The following NSMCE2 variants were observed in gnomAD, a reference collection of about 807,000 sequenced individuals.
The protein encoded by NSMCE2 is E3 SUMO-protein ligase NSE2.
NSMCE2 carries 24 observed loss-of-function variants against 23.8 expected under a neutral mutation model. The observed-to-expected ratio is 1.01, with a 90% confidence interval of 0.73 to 1.42. The LOEUF (loss-of-function observed/expected upper bound fraction) is 1.42. Among genes scored for constraint, NSMCE2 ranks in the 40% most tolerant of loss-of-function variants. The pLI is 0.00. For synonymous variants in NSMCE2, 92 were observed against 94.1 expected (o/e 0.98, Z 0.13); for missense variants, 284 against 296.5 (o/e 0.96, Z 0.31).
In NSMCE2 at chr8:125,102,386, G is replaced by C; in HGVS notation, c.56G>C (p.Gly19Ala). The change falls in exon 3 of 8, where the codon GGT becomes GCT. Residue 19 changes from glycine (G) to alanine (A), a missense_variant. Physicochemically the swap from Gly to Ala is moderately conservative, Grantham distance 60 (BLOSUM62 0). Coordinates refer to ENST00000287437, the MANE Select transcript of NSMCE2 (RefSeq NM_173685.4). ...TCAACTGGTTTCATCTCCTTCAGTG[G>C]TGTAGAGTCTGCTCTCTCCTCCTTG... is the stretch of plus-strand genomic sequence containing the variant. Reference protein sequence around the residue: ...SGSTGFISFSGVESALSSLKN... With the variant: ...SGSTGFISFSAVESALSSLKN... The C allele has an allele frequency of 6.2e-7, 1 of 1,613,542 alleles. No individual in the cohort carries two copies. Among genetic ancestry groups the C allele is most frequent in the Non-Finnish European group, 8.5e-7 (1 of 1,179,478 alleles).
At chr8:125,324,400 C>CTG (rs1175387680) in intron 5 of NSMCE2, among the ~76,000 whole-genome samples, 2 of 147,074 alleles carry the variant, frequency 1.4e-5, no homozygotes, top group African/African-American at 5.0e-5. Context: ...AAACTGGAAA[C>CTG]AAGCCCAATA....
At chr8:125,324,277 A>G (rs1285454579) in intron 5 of NSMCE2, among the ~76,000 whole-genome samples, 1 of 152,178 alleles carries the variant, frequency 6.6e-6, no homozygotes, top group Non-Finnish European at 1.5e-5. Context: ...AGTTAAACAT[A>G]TATGACCTAG....
At chr8:125,341,548 T>C (rs960422183) in intron 5 of NSMCE2, among the ~76,000 whole-genome samples, 11 of 152,114 alleles carry the variant, frequency 7.2e-5, no homozygotes, top group African/African-American at 2.7e-4. Context: ...CCTTATGTGG[T>C]TTTTGTTACT....
chr8:125,221,297 G>A (rs144326960), intron 5 of NSMCE2, among the ~76,000 whole-genome samples: 17 of 152,342 alleles, frequency 1.1e-4, no homozygotes, highest in African/African-American at 3.8e-4. Context: ...CCATGCTGAA[G>A]TGCAGTGACG....
At chr8:125,337,298 A>G (rs1044180621) in intron 5 of NSMCE2, among the ~76,000 whole-genome samples, 2 of 152,196 alleles carry the variant, frequency 1.3e-5, no homozygotes, top group Admixed American at 6.5e-5. Flanking sequence ...CTCTAAGTCT[A>G]TGACAGGTCT....
At chr8:125,151,801 A>C (rs974510399) in intron 4 of NSMCE2, among the ~76,000 whole-genome samples, 1 of 152,214 alleles carries the variant, frequency 6.6e-6, no homozygotes, top group African/African-American at 2.4e-5. Context: ...ACAACACATA[A>C]GGCAGTTAAG....
intron 4 of NSMCE2, among the ~76,000 whole-genome samples, chr8:125,173,196 C>T (rs989581722): frequency 6.6e-6 from 1 of 152,192 alleles, no homozygotes; most frequent in Non-Finnish European, 1.5e-5. Context: ...GTTTAAGCTT[C>T]CAAATCAGTG....
At chr8:125,359,931 A>C (rs552275356) in intron 7 of NSMCE2, among the ~76,000 whole-genome samples, 2 of 152,336 alleles carry the variant, frequency 1.3e-5, no homozygotes, top group East Asian at 3.9e-4. Flanking sequence ...AGATGGATTA[A>C]GGAGGCATGA....
intron 5 of NSMCE2, among the ~76,000 whole-genome samples, chr8:125,220,062 TG>T (rs1824784798): frequency 6.6e-6 from 1 of 152,168 alleles, no homozygotes; most frequent in Non-Finnish European, 1.5e-5. Flanking sequence ...AACCCACCCA[TG>T]GGATTTCTAT....
chr8:125,216,694 T>C (rs1170690587), intron 5 of NSMCE2, among the ~76,000 whole-genome samples: 1 of 151,920 alleles, frequency 6.6e-6, no homozygotes, highest in East Asian at 1.9e-4. Context: ...ATGTGTCCAC[T>C]ATACAGAATA....
chr8:125,295,039 C>T (rs1005490941), intron 5 of NSMCE2, among the ~76,000 whole-genome samples: 1 of 152,202 alleles, frequency 6.6e-6, no homozygotes, highest in African/African-American at 2.4e-5. Context: ...CCTGAAACTA[C>T]TTAAAATAGG....
chr8:125,207,929 T>C lies in NSMCE2; in HGVS notation c.418+25673T>C, dbSNP rs1824178423. On this transcript the variant is annotated intron_variant, in intron 5 of 7. Coordinates refer to ENST00000287437, the MANE Select transcript of NSMCE2 (RefSeq NM_173685.4). ...AGGCCTGGACTTGGAAATCTCACAG[T>C]GTAACTTTTGTCAGACTTTTGGTCA... Among the ~76,000 whole-genome samples the C allele has an allele frequency of 3.3e-5, 5 of 152,216 alleles. No individual in the cohort carries two copies. The South Asian group carries it at 1.0e-3, about 32-fold the overall frequency.
chr8:125,287,230 G>A (rs1827938195), intron 5 of NSMCE2, among the ~76,000 whole-genome samples: 3 of 152,212 alleles, frequency 2.0e-5, no homozygotes, highest in African/African-American at 7.2e-5. Context: ...TACTCGGGAG[G>A]CTGAGGCAGG....
At chr8:125,112,321 A>G (rs1227732971) in intron 3 of NSMCE2, among the ~76,000 whole-genome samples, 4 of 152,260 alleles carry the variant, frequency 2.6e-5, no homozygotes, top group Non-Finnish European at 5.9e-5. Context: ...TACAGTCATT[A>G]TGGAAAACAG....
intron 4 of NSMCE2, among the ~76,000 whole-genome samples, chr8:125,153,416 A>G (rs1821148258): frequency 6.6e-6 from 1 of 152,220 alleles, no homozygotes; most frequent in Non-Finnish European, 1.5e-5. Flanking sequence ...AATAAATCAC[A>G]ATTTCATAAG....
At chr8:125,212,658 G>C (rs1043554090) in intron 5 of NSMCE2, among the ~76,000 whole-genome samples, 1 of 152,098 alleles carries the variant, frequency 6.6e-6, no homozygotes, top group East Asian at 1.9e-4. Flanking sequence ...CAGATGAAGA[G>C]ACATGGTGGG....
intron 5 of NSMCE2, among the ~76,000 whole-genome samples, chr8:125,242,707 G>C (rs1825807948): frequency 6.6e-6 from 1 of 152,132 alleles, no homozygotes. Context: ...GAGGAGGGGG[G>C]ACATATTTTG....
chr8:125,139,447 A>C (rs531784889), intron 3 of NSMCE2, among the ~76,000 whole-genome samples: 3 of 152,278 alleles, frequency 2.0e-5, no homozygotes, highest in African/African-American at 7.2e-5. Context: ...GACATACCGG[A>C]GACTGGTAAT....
At chr8:125,306,710 C>T (rs1469462705) in intron 5 of NSMCE2, among the ~76,000 whole-genome samples, 1 of 152,110 alleles carries the variant, frequency 6.6e-6, no homozygotes, top group Non-Finnish European at 1.5e-5. Context: ...ATCTTGATAT[C>T]CAGTCTTCAT....
Sources: gnomAD v4.1 joint callset for allele counts (sites outside exome capture counted in the v4.1 genomes callset) on GRCh38, gnomAD v4.1.1 for gene constraint, MANE v1.5 for transcripts, NCBI Gene and HGNC (gene_info 2026-07-23, HGNC 2026-07-21) for gene names.